CTLA4: variants seen among roughly 807,000 people sequenced by gnomAD.
The protein encoded by CTLA4 is cytotoxic T-lymphocyte associated protein 4, also known as cytotoxic T-lymphocyte protein 4.
Under a neutral mutation model 20.4 loss-of-function variants are expected in CTLA4, and 3 were observed. That is an observed-to-expected ratio of 0.15 (90% CI 0.07 to 0.38). The LOEUF is 0.38. CTLA4 is among the 10% of genes least tolerant of loss of function. The probability of loss-of-function intolerance (pLI) is 1.00; values close to 1 mark genes in which losing one functional copy is unlikely to be tolerated. For synonymous variants in CTLA4, 100 were observed against 105.2 expected (o/e 0.95, Z 0.30); for missense variants, 184 against 276.8 (o/e 0.66, Z 2.38).
At position 203,873,327 on chromosome 2, in the gene CTLA4, CATATATATAT is replaced by C. The variant is rs60872763; in HGVS notation, c.*562_*571del. ...TGCTAAAGGTTGTATTGCATATATA[CATATATATAT>C]ATATATATATATATATATATATATA... is the stretch of plus-strand genomic sequence containing the variant. On this transcript the variant is annotated 3_prime_UTR_variant, in exon 4 of 4. Coordinates refer to ENST00000648405, the MANE Select transcript of CTLA4 (RefSeq NM_005214.5). 3.3e-3 allele frequency: 602 copies of C among 182,736 alleles called. 2 individuals are homozygous for C. Among genetic ancestry groups the C allele is most frequent in the African/African-American group, 8.3e-3 (255 of 30,576 alleles). 11.3% of individuals were successfully genotyped at this position (182,736 alleles called of 1,614,324 possible). A position where few individuals can be genotyped will look rare whatever the true frequency, so the allele number is the denominator to read the frequency against.
rs1301740582 is a variant in CTLA4 at position 203,873,343 on chromosome 2, T to G, written c.*531T>G. On this transcript the variant is annotated 3_prime_UTR_variant, in exon 4 of 4. Coordinates refer to ENST00000648405, the MANE Select transcript of CTLA4 (RefSeq NM_005214.5). ...GCATATATACATATATATATATATA[T>G]ATATATATATATATATATATATATA... is the stretch of plus-strand genomic sequence containing the variant. 8 of 6,266 alleles carry G rather than the reference T, an allele frequency of 1.3e-3. No individual in the cohort carries two copies. Among genetic ancestry groups the G allele is most frequent in the African/African-American group, 2.9e-3 (8 of 2,764 alleles). 0.4% of individuals were successfully genotyped at this position (6,266 alleles called of 1,614,324 possible).
chr2:203,868,639 T>C (rs1302650352), intron 1 of CTLA4, among the ~76,000 whole-genome samples: 2 of 150,600 alleles, frequency 1.3e-5, no homozygotes, highest in East Asian at 1.9e-4. Flanking sequence ...TATTTAAAAA[T>C]AAAAGTTTGA....
At chr2:203,871,617 G>A in intron 3 of CTLA4, 130 bp downstream of exon 3, 1 of 747,558 alleles carries the variant, frequency 1.3e-6, no homozygotes, top group Non-Finnish European at 2.4e-6. Context: ...GAAGGACAGT[G>A]GTAAAGAACG....
At position 203,867,864 on chromosome 2, in the gene CTLA4, C is replaced by A; in HGVS notation, c.-79C>A. On this transcript the variant is annotated 5_prime_UTR_variant, in exon 1 of 4. Coordinates refer to ENST00000648405, the MANE Select transcript of CTLA4 (RefSeq NM_005214.5). Reference sequence around the variant, plus strand: ...TAAAGTCCTTGATTCTGTGTGGGTTCAAACACATTTCAAAGCTTCAGGATC... The same window carrying A: ...TAAAGTCCTTGATTCTGTGTGGGTTAAAACACATTTCAAAGCTTCAGGATC... 4 of 1,032,636 alleles carry A rather than the reference C, an allele frequency of 3.9e-6. No homozygotes were observed. The highest frequency in any genetic ancestry group is 4.4e-6 in the Non-Finnish European group (3 of 674,346). The allele number at this position is 1,032,636 out of a possible 1,614,324, so 64.0% of individuals were successfully genotyped here.
rs949253264 is a variant in CTLA4 at position 203,870,791 on chromosome 2, C to T, written c.315C>T (p.Gly105=). The T allele has an allele frequency of 3.7e-6, 6 of 1,614,152 alleles. No homozygotes were observed. Among genetic ancestry groups the T allele is most frequent in the South Asian group, 1.1e-5 (1 of 91,072 alleles). Residue 105 remains glycine, a synonymous_variant, in exon 2 of 4, where the codon GGC becomes GGT. Coordinates refer to ENST00000648405, the MANE Select transcript of CTLA4 (RefSeq NM_005214.5). This position sits in a 1 kb window ranked among gnomAD's most constrained non-coding sequence, Gnocchi z 5.3. ...LTFLDDSICT[G]TSSGNQVNLT... ...TCCTAGATGATTCCATCTGCACGGG[C>T]ACCTCCAGTGGAAATCAAGTGAACC...
Position 203,870,750 on chromosome 2 carries a change from G to A in CTLA4, c.274G>A (p.Gly92Arg). The change falls in exon 2 of 4, where the codon GGG (glycine) becomes AGG (arginine). Residue 92 changes from glycine to arginine, a missense_variant. Coordinates refer to ENST00000648405, the MANE Select transcript of CTLA4 (RefSeq NM_005214.5). The surrounding 1 kb of genome is among the most constrained non-coding windows in gnomAD (Gnocchi z 5.3). ...AGTCTGTGCGGCAACCTACATGATG[G>A]GGAATGAGTTGACCTTCCTAGATGA... is the stretch of plus-strand genomic sequence containing the variant. ...TEVCAATYMM[G>R]NELTFLDDSI... 6.2e-7 allele frequency: 1 copy of A among 1,614,212 alleles called. No homozygotes were observed. The highest frequency in any genetic ancestry group is 8.5e-7 in the Non-Finnish European group (1 of 1,180,032).
rs145746390 is a variant in CTLA4, at chr2:203,870,365, C to CT, written c.110-220dup. On this transcript the variant is annotated intron_variant, in intron 1 of 3. Transcript: ENST00000648405. The surrounding 1 kb of genome is among the most constrained non-coding windows in gnomAD (Gnocchi z 5.3). ...TCCTGCCACAACCATCTTGAAGAAT[C>CT]TATTTCTCAGTAAGAAAATATCTTT... is the stretch of plus-strand genomic sequence containing the variant. 1,224 of 574,634 alleles carry CT rather than the reference C, an allele frequency of 2.1e-3. 15 individuals carry two copies. Among genetic ancestry groups the CT allele is most frequent in the African/African-American group, 0.021 (1,109 of 52,678 alleles). The allele number at this position is 574,634 out of a possible 1,614,324, so 35.6% of individuals were successfully genotyped here.
chr2:203,868,010 C>T lies in CTLA4; in HGVS notation c.68C>T (p.Thr23Ile), dbSNP rs1365829864. 1 of 1,614,110 alleles carries T rather than the reference C, an allele frequency of 6.2e-7. No individual in the cohort carries two copies. Among genetic ancestry groups the T allele is most frequent in the Non-Finnish European group, 8.5e-7 (1 of 1,179,930 alleles). The change falls in exon 1 of 4, where the codon ACT becomes ATT. Residue 23 changes from threonine to isoleucine, a missense_variant. By Grantham distance (89) the Thr-to-Ile change is moderately conservative. Transcript: ENST00000648405. ...LNLATRTWPC[T>I]LLFFLLFIPV... ...CTGGCTACCAGGACCTGGCCCTGCACTCTCCTGTTTTTTCTTCTCTTCATC... is the reference window on the plus strand; with the variant it reads ...CTGGCTACCAGGACCTGGCCCTGCATTCTCCTGTTTTTTCTTCTCTTCATC...
In CTLA4 at chr2:203,871,360, C is replaced by G; in HGVS notation, c.458-18C>G. The G allele has an allele frequency of 6.2e-7, 1 of 1,604,412 alleles. No homozygotes were observed. Among genetic ancestry groups the G allele is most frequent in the Non-Finnish European group, 8.5e-7 (1 of 1,171,224 alleles). Reference sequence around the variant, plus strand: ...TTAAAACTGTCTCAGGGAGGCTCTGCTTTGTTTTCTGTTGCAGATCCAGAA... The same window carrying G: ...TTAAAACTGTCTCAGGGAGGCTCTGGTTTGTTTTCTGTTGCAGATCCAGAA... On this transcript the variant is annotated intron_variant, in intron 2 of 3. Transcript: ENST00000648405.
rs1688720799 is a variant in CTLA4 at position 203,870,995 on chromosome 2, C to G, written c.457+62C>G. 1 of 1,316,490 alleles carries G rather than the reference C, an allele frequency of 7.6e-7. No homozygotes were observed. Among genetic ancestry groups the G allele is most frequent in the Non-Finnish European group, 1.1e-6 (1 of 942,724 alleles). The allele number at this position is 1,316,490 out of a possible 1,614,324, so 81.6% of individuals were successfully genotyped here. On this transcript the variant is annotated intron_variant, in intron 2 of 3. Coordinates refer to ENST00000648405, the MANE Select transcript of CTLA4 (RefSeq NM_005214.5). This position sits in a 1 kb window ranked among gnomAD's most constrained non-coding sequence, Gnocchi z 5.3. ...CATTGCAGTCTTCTATGCACAAAAA[C>G]AGTTTTGTTCCTTAATTTCAGGAGG...
chr2:203,872,043 A>G (rs1688743174), intron 3 of CTLA4, among the ~76,000 whole-genome samples: 1 of 152,042 alleles, frequency 6.6e-6, no homozygotes, highest in South Asian at 2.1e-4. Flanking sequence ...CCCAGTTTTT[A>G]TTTATCACAG....
In CTLA4 at chr2:203,873,655, A is replaced by G. The variant is rs1015052574; in HGVS notation, c.*843A>G. ...GGGGCTTTTACACCAGTTCCTTTCA[A>G]TGGTTTGCAAGGAAGCCACAGCTGG... is the stretch of plus-strand genomic sequence containing the variant. On this transcript the variant is annotated 3_prime_UTR_variant, in exon 4 of 4. Coordinates refer to ENST00000648405, the MANE Select transcript of CTLA4 (RefSeq NM_005214.5). The G allele has an allele frequency of 1.0e-4, 22 of 219,840 alleles. No individual in the cohort carries two copies. The highest frequency in any genetic ancestry group is 1.4e-3 in the Middle Eastern group (1 of 706). The allele number at this position is 219,840 out of a possible 1,614,324, so 13.6% of individuals were successfully genotyped here.
intron 1 of CTLA4, among the ~76,000 whole-genome samples, chr2:203,868,948 T>C (rs1388069152): frequency 6.6e-6 from 1 of 152,246 alleles, no homozygotes; most frequent in Admixed American, 6.5e-5. Flanking sequence ...AATATTCATA[T>C]ATGTTTTCTT....
chr2:203,870,152 T>A lies in CTLA4; in HGVS notation c.110-434T>A, dbSNP rs1476194089. ...CCTTCAGAATTTCCCCTACCACTCA[T>A]TATAGTTCCGGAGCTATATAGCTCC... is the stretch of plus-strand genomic sequence containing the variant. On this transcript the variant is annotated intron_variant, in intron 1 of 3. Transcript: ENST00000648405. This position sits in a 1 kb window ranked among gnomAD's most constrained non-coding sequence, Gnocchi z 5.3. The A allele has an allele frequency of 1.1e-5, 2 of 174,346 alleles. No homozygotes were observed. The highest frequency in any genetic ancestry group is 1.4e-4 in the South Asian group (1 of 7,232). The allele number at this position is 174,346 out of a possible 1,614,324, so 10.8% of individuals were successfully genotyped here.
Position 203,873,275 on chromosome 2 carries a change from C to G in CTLA4, c.*463C>G, listed in dbSNP as rs1688766397. The G allele has an allele frequency of 5.7e-6, 2 of 350,726 alleles. No individual in the cohort carries two copies. The highest frequency in any genetic ancestry group is 5.2e-5 in the Admixed American group (1 of 19,374). 21.7% of individuals were successfully genotyped at this position (350,726 alleles called of 1,614,324 possible). On this transcript the variant is annotated 3_prime_UTR_variant, in exon 4 of 4. Transcript: ENST00000648405. ...TGATTACATCAAGGCTTCAAAAATA[C>G]TCACATGGCTATGTTTTAGCCAGTG...
Position 203,870,975 on chromosome 2 carries a change from C to A in CTLA4, c.457+42C>A. ...CACTGAGTTGACACCTGTTGCATTG[C>A]AGTCTTCTATGCACAAAAACAGTTT... On this transcript the variant is annotated intron_variant, in intron 2 of 3. Coordinates refer to ENST00000648405, the MANE Select transcript of CTLA4 (RefSeq NM_005214.5). The surrounding 1 kb of genome is among the most constrained non-coding windows in gnomAD (Gnocchi z 5.3). 1 of 1,488,560 alleles carries A rather than the reference C, an allele frequency of 6.7e-7. No individual in the cohort carries two copies. Among genetic ancestry groups the A allele is most frequent in the Non-Finnish European group, 9.3e-7 (1 of 1,076,200 alleles). The allele number at this position is 1,488,560 out of a possible 1,614,324, so 92.2% of individuals were successfully genotyped here.
Position 203,873,382 on chromosome 2 carries a change from ATT to A in CTLA4, c.*573_*574del, listed in dbSNP as rs1688773529. On this transcript the variant is annotated 3_prime_UTR_variant, in exon 4 of 4. Transcript: ENST00000648405. ...TATATATATATATATATATATATAT[ATT>A]TTAATTTGATAGTATTGTGCATAGA... is the stretch of plus-strand genomic sequence containing the variant. The A allele has an allele frequency of 6.8e-6, 1 of 146,068 alleles. No individual in the cohort carries two copies. Among genetic ancestry groups the A allele is most frequent in the African/African-American group, 3.7e-5 (1 of 26,924 alleles). The allele number at this position is 146,068 out of a possible 1,614,324, so 9.0% of individuals were successfully genotyped here. A position where few individuals can be genotyped will look rare whatever the true frequency, so the allele number is the denominator to read the frequency against.
At position 203,873,141 on chromosome 2, in the gene CTLA4, G is replaced by A. The variant is rs370681295; in HGVS notation, c.*329G>A. 12 of 492,028 alleles carry A rather than the reference G, an allele frequency of 2.4e-5. No homozygotes were observed. The highest frequency in any genetic ancestry group is 1.8e-4 in the East Asian group (6 of 34,062). 30.5% of individuals were successfully genotyped at this position (492,028 alleles called of 1,614,324 possible). A position where few individuals can be genotyped will look rare whatever the true frequency, so the allele number is the denominator to read the frequency against. ...CCCAAAGAAGGAAAAGGCAGGGAGC[G>A]AGGGAGAAGACTATATTGTACACAC... On this transcript the variant is annotated 3_prime_UTR_variant, in exon 4 of 4. Transcript: ENST00000648405.
rs182356877 is a variant in CTLA4 at position 203,868,769 on chromosome 2, C to T, written c.109+718C>T. 1.8e-3 allele frequency among the ~76,000 whole-genome samples: 268 copies of T among 152,192 alleles called. 2 individuals are homozygous for T. Among genetic ancestry groups the T allele is most frequent in the African/African-American group, 6.2e-3 (259 of 41,530 alleles). ...GTTTCAGATGCAGATCCTCAGTTTT[C>T]AGCTCTTCAGAGACTGACACCAGGT... On this transcript the variant is annotated intron_variant, in intron 1 of 3. Transcript: ENST00000648405.
Sources: gnomAD v4.1 joint callset for allele counts (sites outside exome capture counted in the v4.1 genomes callset) on GRCh38, gnomAD v4.1.1 for gene constraint, Gnocchi (gnomAD v3.1) non-coding constraint, MANE v1.5 for transcripts, NCBI Gene and HGNC (gene_info 2026-07-23, HGNC 2026-07-21) for gene names.